ADARB2: variants seen among roughly 807,000 people sequenced by gnomAD.
ADARB2 encodes inactive double-stranded RNA-specific editase B2.
In ADARB2, 25 loss-of-function variants were observed where a neutral mutation model predicts 62.2. The ratio of observed to expected loss-of-function variants is 0.40; its 90% CI spans 0.29 to 0.56. ADARB2 has a LOEUF of 0.56. Among genes scored for constraint, ADARB2 ranks in the 20% least tolerant of loss-of-function variants. The pLI is 0.43. For missense variants in ADARB2, 1,071 were observed against 1,077.4 expected, an observed-to-expected ratio of 0.99 and a Z score of 0.08; for synonymous variants, 572 against 500.8, an observed-to-expected ratio of 1.14 and a Z score of -1.90.
rs565529568 is a variant in ADARB2, at chr10:1,712,216, T to C, written c.100+24835A>G. ...TCAGTGACAATGACTATTTTCTTTT[T>C]ATGACTCAATATTTGCTTATCTCCT... On this transcript the variant is annotated intron_variant, in intron 1 of 9. Coordinates refer to ENST00000381312, the MANE Select transcript of ADARB2 (RefSeq NM_018702.4). Among the ~76,000 whole-genome samples, 11 of 152,332 alleles carry C rather than the reference T, an allele frequency of 7.2e-5. No individual in the cohort carries two copies. In the South Asian group the frequency reaches 1.0e-3, roughly 14 times the overall value.
At chr10:1,546,783 G>A (rs779091537) in intron 1 of ADARB2, among the ~76,000 whole-genome samples, 2 of 152,230 alleles carry the variant, frequency 1.3e-5, no homozygotes, top group Non-Finnish European at 2.9e-5. Context: ...CCCATCTCCC[G>A]ATAGCCATTC....
chr10:1,318,921 T>C (rs746055573), intron 3 of ADARB2, among the ~76,000 whole-genome samples: 1 of 152,188 alleles, frequency 6.6e-6, no homozygotes, highest in Non-Finnish European at 1.5e-5. Context: ...CCAGGGTAGA[T>C]GGACCGTGCT....
intron 1 of ADARB2, among the ~76,000 whole-genome samples, chr10:1,540,908 T>C (rs550138020): frequency 4.9e-4 from 16 of 32,762 alleles, no homozygotes; most frequent in African/African-American, 5.5e-4. Flanking sequence ...CCCACTCAGA[T>C]GTAGTTCAGA....
intron 1 of ADARB2, among the ~76,000 whole-genome samples, chr10:1,499,867 C>A (rs1340807451): frequency 2.0e-5 from 3 of 152,130 alleles, no homozygotes; most frequent in Admixed American, 6.6e-5. Flanking sequence ...CATCATTCAT[C>A]ATTTAGTCAT....
intron 1 of ADARB2, among the ~76,000 whole-genome samples, chr10:1,640,409 C>A (rs1054798249): frequency 3.9e-5 from 6 of 152,064 alleles, no homozygotes; most frequent in African/African-American, 1.4e-4. Context: ...CTAATTCTAC[C>A]TTTTTTAAAG....
At chr10:1,638,098 C>G (rs11250689) in intron 1 of ADARB2, among the ~76,000 whole-genome samples, 20,791 of 152,196 alleles carry the variant, frequency 0.14, 1,726 homozygotes, top group Non-Finnish European at 0.2. Flanking sequence ...CCTTTTCTAG[C>G]TCTCATTAGT....
At chr10:1,463,066 G>A (rs1030139375) in intron 1 of ADARB2, among the ~76,000 whole-genome samples, 2 of 152,210 alleles carry the variant, frequency 1.3e-5, no homozygotes, top group Non-Finnish European at 2.9e-5. Flanking sequence ...TCCATTTAGG[G>A]ATGCCTAAGT....
At chr10:1,374,094 C>G (rs1832400938) in intron 2 of ADARB2, among the ~76,000 whole-genome samples, 1 of 152,232 alleles carries the variant, frequency 6.6e-6, no homozygotes, top group Non-Finnish European at 1.5e-5. Context: ...CAGCCAAGCA[C>G]CTCATTCTGG....
chr10:1,372,823 A>G (rs1832384938), intron 2 of ADARB2, among the ~76,000 whole-genome samples: 2 of 152,222 alleles, frequency 1.3e-5, no homozygotes, highest in African/African-American at 4.8e-5. Flanking sequence ...ATAGTATATT[A>G]GAGCTGGGAG....
chr10:1,262,147 T>TGGGGGGA (rs1170634807), intron 4 of ADARB2, among the ~76,000 whole-genome samples: 1 of 47,810 alleles, frequency 2.1e-5, no homozygotes, highest in African/African-American at 9.5e-5. Flanking sequence ...TGTGGTGGGG[T>TGGGGGGA]GGGGGGAGGG....
intron 1 of ADARB2, among the ~76,000 whole-genome samples, chr10:1,598,073 A>G (rs755217051): frequency 2.0e-5 from 3 of 152,244 alleles, no homozygotes; most frequent in Non-Finnish European, 4.4e-5. Flanking sequence ...AACAGTGAGT[A>G]CCCATGGATA....
rs575371991 is a variant in ADARB2 at position 1,300,550 on chromosome 10, C to T, written c.1078-29481G>A. On this transcript the variant is annotated intron_variant, in intron 3 of 9. Transcript: ENST00000381312. ...TATCTTTCCTATGTTACTCATGACACGGTATAATTTGTTCATTCGTTCAAT... is the reference window on the plus strand; with the variant it reads ...TATCTTTCCTATGTTACTCATGACATGGTATAATTTGTTCATTCGTTCAAT... Among the ~76,000 whole-genome samples, 19 of 152,330 alleles carry T rather than the reference C, an allele frequency of 1.2e-4. No homozygotes were observed. The South Asian group carries it at 2.3e-3, about 18-fold the overall frequency.
chr10:1,358,632 GT>G (rs5782577), intron 3 of ADARB2, among the ~76,000 whole-genome samples: 63,038 of 129,112 alleles, frequency 0.49, 13,935 homozygotes, highest in Middle Eastern at 0.64. Flanking sequence ...CAAATGGAAA[GT>G]TTTTTTTTTT....
At position 1,585,851 on chromosome 10, in the gene ADARB2, G is replaced by A. The variant is rs191648877; in HGVS notation, c.100+151200C>T. Reference sequence around the variant, plus strand: ...AGATCGAGACCATCCTGGCTAACACGGTGAAACCCCGTCTCTACTAAAAAT... The same window carrying A: ...AGATCGAGACCATCCTGGCTAACACAGTGAAACCCCGTCTCTACTAAAAAT... On this transcript the variant is annotated intron_variant, in intron 1 of 9. Transcript: ENST00000381312. Among the ~76,000 whole-genome samples the A allele has an allele frequency of 9.5e-3, 1,440 of 152,202 alleles. 16 individuals carry two copies. Among genetic ancestry groups the A allele is most frequent in the African/African-American group, 0.032 (1,339 of 41,528 alleles).
chr10:1,682,307 C>T (rs56294407), intron 1 of ADARB2, among the ~76,000 whole-genome samples: 13,624 of 152,268 alleles, frequency 0.089, 768 homozygotes, highest in East Asian at 0.22. Flanking sequence ...GTGCCCCTCC[C>T]GGGTTTCCTC....
At chr10:1,188,783 CGGATGCTCAT>C (rs1236192981) in intron 8 of ADARB2, among the ~76,000 whole-genome samples, 1 of 152,198 alleles carries the variant, frequency 6.6e-6, no homozygotes, top group Non-Finnish European at 1.5e-5. Flanking sequence ...TGCAGAGAAA[CGGATGCTCAT>C]GGATGCTCAT....
chr10:1,536,280 AG>A (rs1344373159), intron 1 of ADARB2, among the ~76,000 whole-genome samples: 2 of 152,218 alleles, frequency 1.3e-5, no homozygotes, highest in African/African-American at 4.8e-5. Flanking sequence ...GGACACAGAA[AG>A]CGCCATCTAC....
intron 1 of ADARB2, among the ~76,000 whole-genome samples, chr10:1,720,456 C>G (rs1301845416): frequency 1.3e-5 from 2 of 152,184 alleles, no homozygotes; most frequent in Non-Finnish European, 2.9e-5. Flanking sequence ...TACCAAACCT[C>G]AGCGACACCC....
chr10:1,376,899 GGT>G (rs1185659872), intron 2 of ADARB2, among the ~76,000 whole-genome samples: 5 of 150,782 alleles, frequency 3.3e-5, no homozygotes, highest in African/African-American at 4.9e-5. Context: ...GTGCTCCTGG[GGT>G]GTGTGTGTGC....
Sources: gnomAD v4.1 joint callset for allele counts (sites outside exome capture counted in the v4.1 genomes callset) on GRCh38, gnomAD v4.1.1 for gene constraint, MANE v1.5 for transcripts, NCBI Gene and HGNC (gene_info 2026-07-23, HGNC 2026-07-21) for gene names.